The following PLXDC1 variants were observed in gnomAD, a reference collection of about 807,000 sequenced individuals.
PLXDC1 encodes plexin domain containing 1, also known as plexin domain-containing protein 1.
Under a neutral mutation model 61.3 loss-of-function variants are expected in PLXDC1, and 39 were observed. The ratio of observed to expected loss-of-function variants is 0.64; its 90% CI spans 0.49 to 0.83. The LOEUF is 0.83. PLXDC1 is among the 40% of genes least tolerant of loss of function. The probability of loss-of-function intolerance (pLI) is 0.00; values close to 1 mark genes in which losing one functional copy is unlikely to be tolerated. For synonymous variants in PLXDC1, 212 were observed against 254.5 expected (o/e 0.83, Z 1.59); for missense variants, 596 against 666.5 (o/e 0.89, Z 1.17).
At chr17:39,092,110 G>A (rs529488835) in intron 7 of PLXDC1, among the ~76,000 whole-genome samples, 4 of 151,942 alleles carry the variant, frequency 2.6e-5, no homozygotes, top group South Asian at 2.1e-4. Context: ...ACAGGGTCTC[G>A]CTCTGTCACC....
chr17:39,133,939 T>C (rs549893660), intron 2 of PLXDC1, among the ~76,000 whole-genome samples: 10 of 151,214 alleles, frequency 6.6e-5, no homozygotes, highest in Non-Finnish European at 1.5e-4. Flanking sequence ...TACACATAAT[T>C]TGATGCAGGA....
intron 7 of PLXDC1, among the ~76,000 whole-genome samples, chr17:39,092,215 C>T (rs1169610674): frequency 6.6e-6 from 1 of 151,778 alleles, no homozygotes; most frequent in Non-Finnish European, 1.5e-5. Flanking sequence ...GCTGGTATTA[C>T]AGGCACACCC....
Position 39,067,850 on chromosome 17 carries a change from T to C in PLXDC1, c.1493A>G (p.Glu498Gly). ...GHEKEGFMEA[E>G]QC ...GGAGACTTGGTGTTCTCAGCACTGCTCAGCCTCCATGAAGCCCTCCTTCTC... is the reference window on the plus strand; with the variant it reads ...GGAGACTTGGTGTTCTCAGCACTGCCCAGCCTCCATGAAGCCCTCCTTCTC... Residue 498 changes from glutamate to glycine, a missense_variant, in exon 14 of 14, where the codon GAG (glutamate) becomes GGG (glycine). By Grantham distance (98) the Glu-to-Gly change is moderately conservative. Coordinates refer to ENST00000315392, the MANE Select transcript of PLXDC1 (RefSeq NM_020405.5). The C allele has an allele frequency of 6.2e-7, 1 of 1,613,974 alleles. No individual in the cohort carries two copies. Among genetic ancestry groups the C allele is most frequent in the Non-Finnish European group, 8.5e-7 (1 of 1,179,830 alleles).
intron 2 of PLXDC1, among the ~76,000 whole-genome samples, chr17:39,109,913 C>T (rs552106008): frequency 1.2e-4 from 18 of 152,260 alleles, no homozygotes; most frequent in African/African-American, 3.9e-4. Context: ...GAGGCCGAGG[C>T]GGGCGGATCA....
At chr17:39,127,275 G>A (rs767618604) in intron 2 of PLXDC1, among the ~76,000 whole-genome samples, 1 of 152,098 alleles carries the variant, frequency 6.6e-6, no homozygotes, top group Non-Finnish European at 1.5e-5. Flanking sequence ...AGGAGGGTGA[G>A]CAACTGCCCC....
At chr17:39,129,912 G>A (rs1911505260) in intron 2 of PLXDC1, among the ~76,000 whole-genome samples, 1 of 151,974 alleles carries the variant, frequency 6.6e-6, no homozygotes, top group Admixed American at 6.6e-5. Flanking sequence ...ACGGATAAAC[G>A]AATTATGGTA....
At chr17:39,107,557 G>A in intron 5 of PLXDC1, 32 bp from the exon 6 acceptor site, 1 of 1,491,420 alleles carries the variant, frequency 6.7e-7, no homozygotes, top group Non-Finnish European at 9.4e-7. Context: ...CGGCTGGACG[G>A]GAGATCATGC....
rs774153199 is a variant in PLXDC1, at chr17:39,077,957, G to A, written c.1142C>T (p.Thr381Ile). The stretch of plus-strand genomic sequence containing the variant: ...GATGAAGAGGGAGGAGGAGGTAGTG[G>A]TGAGGTCTCCATCATAGGGGCTGAA... ...TSFSPYDGDL[T>I]TTSSSLFIDS... The change falls in exon 11 of 14, where the codon ACC becomes ATC. Residue 381 changes from threonine (T) to isoleucine (I), a missense_variant. Transcript: ENST00000315392. 9 of 1,614,048 alleles carry A rather than the reference G, an allele frequency of 5.6e-6. No homozygotes were observed. The South Asian group carries it at 7.7e-5, about 14-fold the overall frequency.
chr17:39,146,672 AATTTAATTTATT>A (rs2045344482), intron 1 of PLXDC1, among the ~76,000 whole-genome samples: 2 of 150,792 alleles, frequency 1.3e-5, no homozygotes. Flanking sequence ...GGTATTATAA[AATTTAATTTATT>A]ATTAATAATA....
intron 2 of PLXDC1, among the ~76,000 whole-genome samples, chr17:39,120,328 T>A (rs57190437): frequency 0.014 from 2,106 of 151,994 alleles, 51 homozygotes; most frequent in African/African-American, 0.048. Flanking sequence ...AATTTTGTAT[T>A]TTTAGTAGAG....
At chr17:39,074,248 G>A (rs889157467) in intron 11 of PLXDC1, among the ~76,000 whole-genome samples, 4 of 152,144 alleles carry the variant, frequency 2.6e-5, no homozygotes, top group African/African-American at 9.7e-5. Context: ...ACAATGGCAT[G>A]TACCTGCAGC....
chr17:39,119,467 G>A (rs747595571), intron 2 of PLXDC1, among the ~76,000 whole-genome samples: 4 of 152,100 alleles, frequency 2.6e-5, no homozygotes, highest in East Asian at 1.9e-4. Context: ...AAATTAGATC[G>A]GGCGTGGAGG....
At chr17:39,104,510 A>G (rs1260253535) in intron 7 of PLXDC1, among the ~76,000 whole-genome samples, 1 of 152,104 alleles carries the variant, frequency 6.6e-6, no homozygotes, top group Non-Finnish European at 1.5e-5. Flanking sequence ...GGGGTGGGGC[A>G]TGGGGGCTGA....
chr17:39,128,107 A>ATATACATATATACATATATATG (rs1911387353), intron 2 of PLXDC1, among the ~76,000 whole-genome samples: 5 of 100,630 alleles, frequency 5.0e-5, no homozygotes, highest in East Asian at 3.5e-4. Context: ...GTATATATAT[A>ATATACATATATACATATATATG]TATATATGTA....
intron 2 of PLXDC1, among the ~76,000 whole-genome samples, chr17:39,134,917 G>C (rs1282748950): frequency 1.3e-5 from 2 of 152,130 alleles, no homozygotes; most frequent in Non-Finnish European, 2.9e-5. Flanking sequence ...CCATCATGCA[G>C]CTGGCTTTCC....
In PLXDC1 at chr17:39,104,781, TA is replaced by T. The variant is rs11449163; in HGVS notation, c.811+1072del. ...CTGAATGACAGAGCAAGACTTTGTTTAAAAAAAAAAAGGCTGTGCTCAGATA... is the reference window on the plus strand; with the variant it reads ...CTGAATGACAGAGCAAGACTTTGTTTAAAAAAAAAAGGCTGTGCTCAGATA... On this transcript the variant is annotated intron_variant, in intron 7 of 13. Coordinates refer to ENST00000315392, the MANE Select transcript of PLXDC1 (RefSeq NM_020405.5). Among the ~76,000 whole-genome samples, 393 of 147,110 alleles carry T rather than the reference TA, an allele frequency of 2.7e-3. 7 individuals carry two copies. The East Asian group carries it at 0.042, about 16-fold the overall frequency.
chr17:39,114,777 C>T (rs1379263522), intron 2 of PLXDC1, among the ~76,000 whole-genome samples: 1 of 152,184 alleles, frequency 6.6e-6, no homozygotes, highest in East Asian at 1.9e-4. Flanking sequence ...CTGAATACAG[C>T]TTCCACCTGG....
At chr17:39,096,977 C>T (rs775226100) in intron 7 of PLXDC1, 4 of 471,288 alleles carry the variant, frequency 8.5e-6, no homozygotes, top group South Asian at 1.5e-5. Flanking sequence ...GAAAAGCCTG[C>T]GGAAGAGTTT....
chr17:39,102,190 C>T (rs1205315820), intron 7 of PLXDC1, among the ~76,000 whole-genome samples: 2 of 152,130 alleles, frequency 1.3e-5, no homozygotes, highest in African/African-American at 4.8e-5. Flanking sequence ...CCCGCCCAAG[C>T]CAGGCACAGT....
Sources: allele counts gnomAD v4.1 joint callset (sites outside exome capture counted in the v4.1 genomes callset), GRCh38; gene constraint gnomAD v4.1.1; transcripts MANE v1.5; gene names NCBI Gene and HGNC (gene_info 2026-07-23, HGNC 2026-07-21).